APOBEC1: variants seen among roughly 807,000 people sequenced by gnomAD.
The protein encoded by APOBEC1 is C->U-editing enzyme APOBEC-1.
Under a neutral mutation model 26.3 loss-of-function variants are expected in APOBEC1, and 22 were observed. The observed-to-expected ratio is 0.84, with a 90% confidence interval of 0.60 to 1.19. APOBEC1 has a LOEUF of 1.19. APOBEC1 is among the 50% of genes most tolerant of loss of function. The probability of loss-of-function intolerance (pLI) is 0.00; values close to 1 mark genes in which losing one functional copy is unlikely to be tolerated. For synonymous variants in APOBEC1, 77 were observed against 95.3 expected (o/e 0.81, Z 1.12); for missense variants, 253 against 289.0 (o/e 0.88, Z 0.90).
intron 1 of APOBEC1, among the ~76,000 whole-genome samples, chr12:7,660,942 C>T (rs141193520): frequency 0.021 from 3,145 of 151,260 alleles, 45 homozygotes; most frequent in South Asian, 0.054. Flanking sequence ...ACCTCTAATC[C>T]CAGCACTTTG....
chr12:7,660,395 A>AGAAAAGAAAGAAAGAAG (rs1863797743), intron 1 of APOBEC1, among the ~76,000 whole-genome samples: 1 of 49,406 alleles, frequency 2.0e-5, no homozygotes, highest in Non-Finnish European at 6.6e-5. Context: ...AAAGAAAGAA[A>AGAAAAGAAAGAAAGAAG]GAAAGAAAGA....
intron 1 of APOBEC1, among the ~76,000 whole-genome samples, chr12:7,654,966 T>C (rs1258559583): frequency 2.0e-5 from 3 of 152,168 alleles, no homozygotes; most frequent in Non-Finnish European, 4.4e-5. Flanking sequence ...TCTAGCACTT[T>C]GGGAGACCGA....
At chr12:7,660,132 G>A (rs930265591) in intron 1 of APOBEC1, among the ~76,000 whole-genome samples, 3 of 150,948 alleles carry the variant, frequency 2.0e-5, no homozygotes, top group Non-Finnish European at 4.4e-5. Flanking sequence ...GTGAAACCCC[G>A]TCTCTACTAA....
At chr12:7,668,183 G>C (rs1228269923), upstream of APOBEC1, among the ~76,000 whole-genome samples, 1 of 152,056 alleles carries the variant, frequency 6.6e-6, no homozygotes, top group Non-Finnish European at 1.5e-5. Context: ...GGCTCAAAGG[G>C]AGCCACGATT....
Position 7,665,886 on chromosome 12 carries a change from T to C in APOBEC1, c.-14A>G. ...CTCAGAAGTCATGGTGCTCTGTCTC[T>C]GGACTTCCTCCTCTGGAGTCATAAG... On this transcript the variant is annotated 5_prime_UTR_variant, in exon 1 of 5. Coordinates refer to ENST00000229304, the MANE Select transcript of APOBEC1 (RefSeq NM_001644.5). 1 of 1,613,920 alleles carries C rather than the reference T, an allele frequency of 6.2e-7. No homozygotes were observed. The highest frequency in any genetic ancestry group is 8.5e-7 in the Non-Finnish European group (1 of 1,179,948).
rs764450370 is a variant in APOBEC1, at chr12:7,654,625, T to C, written c.24A>G (p.Ser8=). The C allele has an allele frequency of 2.9e-5, 47 of 1,614,076 alleles. No homozygotes were observed. The highest frequency in any genetic ancestry group is 2.7e-5 in the Non-Finnish European group (32 of 1,179,906). Residue 8 remains serine (S), a synonymous_variant, in exon 2 of 5, where the codon TCA becomes TCG. Transcript: ENST00000229304. ...CTTACCTCAGAGTGGGGTCACCGGTTGAAGGACCTGTTGACCAAGATATGA... is the reference window on the plus strand; with the variant it reads ...CTTACCTCAGAGTGGGGTCACCGGTCGAAGGACCTGTTGACCAAGATATGA... The part of the protein sequence containing the change: MTSEKGP[S]TGDPTLRRRI...
At chr12:7,668,885 C>G (rs1274646708), upstream of APOBEC1, among the ~76,000 whole-genome samples, 1 of 152,108 alleles carries the variant, frequency 6.6e-6, no homozygotes, top group Non-Finnish European at 1.5e-5. Context: ...AGATGCACTA[C>G]CATGCCCAGC....
At chr12:7,654,731 A>C in intron 1 of APOBEC1, 99 bp from the exon 2 acceptor site, 1 of 1,166,908 alleles carries the variant, frequency 8.6e-7, no homozygotes, top group Non-Finnish European at 1.3e-6. Flanking sequence ...ATCATCTCAG[A>C]AAATGGAATT....
intron 1 of APOBEC1, among the ~76,000 whole-genome samples, chr12:7,663,185 C>G (rs1863844303): frequency 6.6e-6 from 1 of 152,122 alleles, no homozygotes. Context: ...GAAGACACTT[C>G]CTTTAAAACA....
At chr12:7,650,541 C>T (rs1863623292) in intron 4 of APOBEC1, among the ~76,000 whole-genome samples, 1 of 152,230 alleles carries the variant, frequency 6.6e-6, no homozygotes, top group African/African-American at 2.4e-5. Context: ...CACAAACACA[C>T]TTCTTGTTCT....
Position 7,649,622 on chromosome 12 carries a change from G to C in APOBEC1, c.636C>G (p.Asn212Lys). ...GTGGCGGAATCGTTTGGTAATGGCA[G>C]TTTTGAAGATGAAGTCTGAAAAATG... Reference protein sequence around the residue: ...HLTFFRLHLQNCHYQTIPPHI... With the variant: ...HLTFFRLHLQKCHYQTIPPHI... The change falls in exon 5 of 5, where the codon AAC becomes AAG. Residue 212 changes from asparagine to lysine, a missense_variant. Physicochemically the swap from Asn to Lys is moderately conservative, Grantham distance 94 (BLOSUM62 0). Coordinates refer to ENST00000229304, the MANE Select transcript of APOBEC1 (RefSeq NM_001644.5). 6.2e-7 allele frequency: 1 copy of C among 1,613,976 alleles called. No individual in the cohort carries two copies.
chr12:7,669,618 T>A (rs1592066277), upstream of APOBEC1, among the ~76,000 whole-genome samples: 1 of 152,136 alleles, frequency 6.6e-6, no homozygotes, highest in Non-Finnish European at 1.5e-5. Context: ...ATTGCCCAAG[T>A]TGGTCTTGAA....
upstream of APOBEC1, among the ~76,000 whole-genome samples, chr12:7,669,040 C>CTA (rs1223018359): frequency 6.6e-6 from 1 of 151,938 alleles, no homozygotes; most frequent in Non-Finnish European, 1.5e-5. Context: ...CCAGCACCCC[C>CTA]CAATTCTGTG....
upstream of APOBEC1, among the ~76,000 whole-genome samples, chr12:7,668,213 G>A (rs961774477): frequency 6.6e-6 from 1 of 152,170 alleles, no homozygotes. Flanking sequence ...AGGAAAGCCT[G>A]TAGAAGCTGG....
chr12:7,659,924 AAGCCACTGCACTCC>A (rs1565442099), intron 1 of APOBEC1, among the ~76,000 whole-genome samples: 1 of 152,068 alleles, frequency 6.6e-6, no homozygotes. Flanking sequence ...AGCCGAGATC[AAGCCACTGCACTCC>A]AGCCTGGGCG....
chr12:7,668,937 G>A (rs1231591407), upstream of APOBEC1, among the ~76,000 whole-genome samples: 1 of 151,930 alleles, frequency 6.6e-6, no homozygotes, highest in Non-Finnish European at 1.5e-5. Context: ...TCACCGTGTT[G>A]GCCAGGCTGG....
intron 1 of APOBEC1, among the ~76,000 whole-genome samples, chr12:7,663,249 A>G (rs1788185189): frequency 6.6e-6 from 1 of 152,054 alleles, no homozygotes. Flanking sequence ...GTTACTTTTT[A>G]TGCATTTGCA....
intron 1 of APOBEC1, among the ~76,000 whole-genome samples, chr12:7,662,790 C>T (rs1367099352): frequency 6.6e-6 from 1 of 152,070 alleles, no homozygotes; most frequent in Non-Finnish European, 1.5e-5. Context: ...CAGGTGCAAA[C>T]GACCTGAAGT....
intron 1 of APOBEC1, among the ~76,000 whole-genome samples, chr12:7,661,931 T>A (rs550052772): frequency 2.0e-5 from 3 of 152,206 alleles, no homozygotes; most frequent in Non-Finnish European, 4.4e-5. Flanking sequence ...GTGGGGATTA[T>A]CTTGATCTCT....
Sources: gnomAD v4.1 joint callset for allele counts (sites outside exome capture counted in the v4.1 genomes callset) on GRCh38, gnomAD v4.1.1 for gene constraint, MANE v1.5 for transcripts, NCBI Gene and HGNC (gene_info 2026-07-23, HGNC 2026-07-21) for gene names.